The following MAPK12 variants were observed in gnomAD, a reference collection of about 807,000 sequenced individuals.
MAPK12 encodes MAP kinase 12.
MAPK12 carries 49 observed loss-of-function variants against 49.1 expected under a neutral mutation model. That is an observed-to-expected ratio of 1.00 (90% CI 0.79 to 1.27). The LOEUF is 1.27. MAPK12 is among the 50% of genes most tolerant of loss of function. The pLI, the probability that MAPK12 is intolerant of heterozygous loss-of-function variation, is 0.00. For missense variants in MAPK12, 554 were observed against 502.4 expected (o/e 1.10, Z -0.98); for synonymous variants, 251 against 209.7 (o/e 1.20, Z -1.70).
chr22:50,253,497 G>GGGGGGGA lies in MAPK12; in HGVS notation c.1025-18_1025-17insTCCCCCC. The GGGGGGGA allele has an allele frequency of 2.1e-6, 1 of 476,080 alleles. No homozygotes were observed. The highest frequency in any genetic ancestry group is 4.2e-6 in the Non-Finnish European group (1 of 235,534). The allele number at this position is 476,080 out of a possible 1,614,324, so 29.5% of individuals were successfully genotyped here. ...AAGTAACACCTGGCGGGGGTGGGGGGGCGGGCACAACAGAGAGGGGGGTCA... is the reference window on the plus strand; with the variant it reads ...AAGTAACACCTGGCGGGGGTGGGGGGGGGGGGAGCGGGCACAACAGAGAGGGGGGTCA... On this transcript the variant is annotated splice_polypyrimidine_tract_variant and intron_variant, in intron 11 of 11. Coordinates refer to ENST00000215659, the MANE Select transcript of MAPK12 (RefSeq NM_002969.6).
chr22:50,255,578 G>GGGCCCCCCCCCCCCCCCCCCCCCCCCCCC, intron 9 of MAPK12, 37 bp downstream of exon 9: 2 of 1,581,940 alleles, frequency 1.3e-6, no homozygotes, highest in Non-Finnish European at 8.7e-7. Flanking sequence ...GCCCAGGTCC[G>GGGCCCCCCCCCCCCCCCCCCCCCCCCCCC]CCCCCACCCC....
At position 50,253,345 on chromosome 22, in the gene MAPK12, CCT is replaced by C. The variant is rs2065117447; in HGVS notation, c.*54_*55del. ...AAGGTCAAGGTGGCAACGAGAGTCCCCTCTCAGGTGGAAGGTGAAGGTGGTCC... is the reference window on the plus strand; with the variant it reads ...AAGGTCAAGGTGGCAACGAGAGTCCCCTCAGGTGGAAGGTGAAGGTGGTCC... On this transcript the variant is annotated 3_prime_UTR_variant, in exon 12 of 12. Coordinates refer to ENST00000215659, the MANE Select transcript of MAPK12 (RefSeq NM_002969.6). 3 of 1,292,770 alleles carry C rather than the reference CCT, an allele frequency of 2.3e-6. No individual in the cohort carries two copies. Among genetic ancestry groups the C allele is most frequent in the Admixed American group, 2.0e-5 (1 of 50,626 alleles). 80.1% of individuals were successfully genotyped at this position (1,292,770 alleles called of 1,614,324 possible). A position where few individuals can be genotyped will look rare whatever the true frequency, so the allele number is the denominator to read the frequency against.
chr22:50,260,971 G>A, intron 2 of MAPK12, 196 bp downstream of exon 2: 2 of 561,726 alleles, frequency 3.6e-6, no homozygotes, highest in Non-Finnish European at 5.7e-6. Flanking sequence ...CGGAGGATGG[G>A]GAACGGCCCT....
chr22:50,257,902 A>G (rs1457971464), intron 3 of MAPK12: 2 of 772,770 alleles, frequency 2.6e-6, no homozygotes, highest in South Asian at 2.8e-5. Context: ...AGCTCCAGTT[A>G]CCGGCCACAC....
At position 50,261,270 on chromosome 22, in the gene MAPK12, G is replaced by A. The variant is rs866780075; in HGVS notation, c.152C>T (p.Ala51Val). The A allele has an allele frequency of 1.9e-6, 3 of 1,539,082 alleles. No individual in the cohort carries two copies. The highest frequency in any genetic ancestry group is 2.6e-6 in the Non-Finnish European group (3 of 1,144,074). ...ATACAGCTTCTTGATGGCCACCTTA[G>A]CGCCGGTGCGGCCGTCCACGGCCGA... is the stretch of plus-strand genomic sequence containing the variant. ...VCSAVDGRTGAKVAIKKLYRP... is the reference protein window; with the variant it reads ...VCSAVDGRTGVKVAIKKLYRP... The change falls in exon 2 of 12, where the codon GCT becomes GTT. Residue 51 changes from alanine (A) to valine (V), a missense_variant. Ala to Val is a moderately conservative substitution (Grantham distance 64). Transcript: ENST00000215659.
At chr22:50,259,794 G>A (rs911902168) in intron 2 of MAPK12, among the ~76,000 whole-genome samples, 5 of 151,966 alleles carry the variant, frequency 3.3e-5, no homozygotes, top group Non-Finnish European at 5.9e-5. Flanking sequence ...TGAAGCAGGA[G>A]AATCGCCTGA....
Position 50,253,469 on chromosome 22 carries a change from T to C in MAPK12, c.1036A>G (p.Lys346Glu). 2.9e-6 allele frequency: 3 copies of C among 1,028,806 alleles called. No homozygotes were observed. Among genetic ancestry groups the C allele is most frequent in the Non-Finnish European group, 3.9e-6 (3 of 763,714 alleles). The allele number at this position is 1,028,806 out of a possible 1,614,324, so 63.7% of individuals were successfully genotyped here. Residue 346 changes from lysine to glutamate, a missense_variant, in exon 12 of 12, where the codon AAA (lysine) becomes GAA (glutamate). Transcript: ENST00000215659. ...TLDEWKRVTY[K>E]EVLSFKPPRQ... ...GGAGGCTTGAAGCTGAGCACCTCTT[T>C]GTAAGTAACACCTGGCGGGGGTGGG...
chr22:50,256,829 G>A (rs2065155189), intron 5 of MAPK12, 106 bp downstream of exon 5: 2 of 1,536,168 alleles, frequency 1.3e-6, no homozygotes, highest in Middle Eastern at 1.8e-4. Context: ...TGTGCATAGG[G>A]CGTGGCTCAG....
chr22:50,259,990 GTCCTGGGGC>G (rs1199362531), intron 2 of MAPK12, among the ~76,000 whole-genome samples: 1 of 139,046 alleles, frequency 7.2e-6, no homozygotes, highest in Non-Finnish European at 1.5e-5. Context: ...GAAGGCTGCA[GTCCTGGGGC>G]AAGGCCTTGG....
At position 50,261,637 on chromosome 22, in the gene MAPK12, G is replaced by C; in HGVS notation, c.-128C>G. 1 of 951,826 alleles carries C rather than the reference G, an allele frequency of 1.1e-6. No individual in the cohort carries two copies. Among genetic ancestry groups the C allele is most frequent in the Non-Finnish European group, 1.3e-6 (1 of 799,008 alleles). The allele number at this position is 951,826 out of a possible 1,614,324, so 59.0% of individuals were successfully genotyped here. ...TCGTCCGCTCGCCCGCCCGCCCGCC[G>C]GCCGCTGGGGCGCTCCCGCTCCCGG... On this transcript the variant is annotated 5_prime_UTR_variant, in exon 1 of 12. Coordinates refer to ENST00000215659, the MANE Select transcript of MAPK12 (RefSeq NM_002969.6).
chr22:50,254,745 G>A, intron 11 of MAPK12: 2 of 1,089,220 alleles, frequency 1.8e-6, no homozygotes, highest in African/African-American at 1.6e-5. Context: ...GAGGGTGTCA[G>A]GGTGGCCCAG....
intron 11 of MAPK12, chr22:50,254,996 A>C: frequency 6.9e-7 from 1 of 1,455,020 alleles, no homozygotes; most frequent in African/African-American, 1.4e-5. Context: ...CCTGACCTGC[A>C]TCCCAGGGAT....
chr22:50,257,419 C>T (rs928419611), intron 3 of MAPK12: 4 of 580,244 alleles, frequency 6.9e-6, no homozygotes, highest in South Asian at 2.0e-5. Context: ...CTCACACCCC[C>T]CTCCCACCCT....
At chr22:50,253,502 G>GGGGGGGGGGGGGGGGCCCCCCCCCCCC in intron 11 of MAPK12, 22 bp from the exon 12 acceptor site, 2 of 171,676 alleles carry the variant, frequency 1.2e-5, no homozygotes, top group Non-Finnish European at 2.3e-5. Flanking sequence ...GGGGGGGCGG[G>GGGGGGGGGGGGGGGGCCCCCCCCCCCC]CACAACAGAG....
intron 3 of MAPK12, chr22:50,258,014 G>C (rs1291881210): frequency 2.7e-6 from 2 of 733,508 alleles, no homozygotes; most frequent in African/African-American, 3.5e-5. Context: ...GCCAGGCGTG[G>C]AGAGAGGCAG....
intron 2 of MAPK12, among the ~76,000 whole-genome samples, chr22:50,259,937 G>A (rs1221810590): frequency 6.4e-5 from 9 of 140,790 alleles, no homozygotes; most frequent in Non-Finnish European, 1.2e-4. Flanking sequence ...ATGGGGCAAG[G>A]CACGGGTGGG....
At chr22:50,256,457 G>A in intron 6 of MAPK12, 142 bp downstream of exon 6, 1 of 1,128,580 alleles carries the variant, frequency 8.9e-7, no homozygotes, top group East Asian at 2.4e-5. Flanking sequence ...CTGCCTCTTG[G>A]GCTCACCCAC....
At position 50,257,187 on chromosome 22, in the gene MAPK12, C is replaced by T. The variant is rs2065159626; in HGVS notation, c.321G>A (p.Leu107=). 2 of 1,612,156 alleles carry T rather than the reference C, an allele frequency of 1.2e-6. No individual in the cohort carries two copies. Among genetic ancestry groups the T allele is most frequent in the South Asian group, 1.1e-5 (1 of 91,072 alleles). Residue 107 remains leucine (L), a synonymous_variant, in exon 4 of 12, where the codon CTG becomes CTA. Coordinates refer to ENST00000215659, the MANE Select transcript of MAPK12 (RefSeq NM_002969.6). ...GGTCGGTGCCCATGAACGGCATCAC[C>T]AGGTAACTGTGGGAGGGGCCGGAGC... ...ETLDDFTDFY[L]VMPFMGTDLG...
At chr22:50,254,637 G>A in intron 11 of MAPK12, 1 of 1,008,426 alleles carries the variant, frequency 9.9e-7, no homozygotes, top group Non-Finnish European at 1.2e-6. Flanking sequence ...GGGCATCAGA[G>A]TGAGACTCCG....
Sources: allele counts gnomAD v4.1 joint callset (sites outside exome capture counted in the v4.1 genomes callset), GRCh38; gene constraint gnomAD v4.1.1; transcripts MANE v1.5; gene names NCBI Gene and HGNC (gene_info 2026-07-23, HGNC 2026-07-21).